Variants in TCF7L1 observed in about 807,000 individuals in gnomAD.
TCF7L1 encodes transcription factor 7 like 1.
In TCF7L1, 18 loss-of-function variants were observed where a neutral mutation model predicts 63.7. The ratio of observed to expected loss-of-function variants is 0.28; its 90% confidence interval spans 0.20 to 0.42. TCF7L1 has a LOEUF of 0.42. TCF7L1 is among the 10% of genes least tolerant of loss of function. TCF7L1 has a pLI of 1.00. For missense variants in TCF7L1, 654 were observed against 779.3 expected (o/e 0.84, Z 1.91); for synonymous variants, 355 against 340.9 (o/e 1.04, Z -0.46).
rs1021182180 is a variant in TCF7L1 at position 85,133,735 on chromosome 2, A to T, written c.51A>T (p.Gly17=). The change falls in exon 1 of 12, where the codon GGA becomes GGT. Residue 17 remains glycine, a synonymous_variant. Coordinates refer to ENST00000282111, the MANE Select transcript of TCF7L1 (RefSeq NM_031283.3). The surrounding 1 kb of genome is among the most constrained non-coding windows in gnomAD (Gnocchi z 4.4). The stretch of plus-strand genomic sequence containing the variant: ...GCGGCGGCGGCGGCGGCAGCGGGGG[A>T]GGCGGCGGCTCCAGCGCCGGGGCGG... The part of the protein sequence containing the change: ...GGGGGGGGSG[G]GGGSSAGAAG... The T allele has an allele frequency of 8.3e-7, 1 of 1,211,158 alleles. No individual in the cohort carries two copies. The highest frequency in any genetic ancestry group is 1.6e-5 in the African/African-American group (1 of 62,938). 75.0% of individuals were successfully genotyped at this position (1,211,158 alleles called of 1,614,324 possible). A position where few individuals can be genotyped will look rare whatever the true frequency, so the allele number is the denominator to read the frequency against.
intron 3 of TCF7L1, among the ~76,000 whole-genome samples, chr2:85,174,913 G>A (rs1311016327): frequency 6.6e-6 from 1 of 152,156 alleles, no homozygotes; most frequent in East Asian, 1.9e-4. Context: ...CAGCTCCTCA[G>A]GCCTTTTTGG....
chr2:85,283,638 A>G, intron 4 of TCF7L1, 60 bp downstream of exon 4: 1 of 1,571,150 alleles, frequency 6.4e-7, no homozygotes, highest in Non-Finnish European at 8.8e-7. Context: ...ATCCCATGCC[A>G]CTGCCTTCTG....
intron 3 of TCF7L1, among the ~76,000 whole-genome samples, chr2:85,229,578 C>A (rs1680027624): frequency 6.6e-6 from 1 of 152,158 alleles, no homozygotes; most frequent in Non-Finnish European, 1.5e-5. Context: ...GGGGTCATCA[C>A]CTCGTCTGTC....
At chr2:85,303,024 A>T (rs1435807764) in intron 5 of TCF7L1, among the ~76,000 whole-genome samples, 1 of 152,098 alleles carries the variant, frequency 6.6e-6, no homozygotes, top group East Asian at 1.9e-4. Context: ...AGTGAGGCCA[A>T]ACTGGCTTTT....
intron 3 of TCF7L1, among the ~76,000 whole-genome samples, chr2:85,174,583 T>C (rs1190147132): frequency 6.6e-6 from 1 of 152,218 alleles, no homozygotes; most frequent in Non-Finnish European, 1.5e-5. Flanking sequence ...CCCCCATTTC[T>C]GTGGCTGTTC....
chr2:85,235,052 T>C (rs559674760), intron 3 of TCF7L1, among the ~76,000 whole-genome samples: 1 of 152,126 alleles, frequency 6.6e-6, no homozygotes, highest in African/African-American at 2.4e-5. Context: ...CAGTAATAGC[T>C]CAATTGTGTG....
chr2:85,212,418 G>A (rs1242075962), intron 3 of TCF7L1, among the ~76,000 whole-genome samples: 1 of 152,208 alleles, frequency 6.6e-6, no homozygotes. Context: ...AGAAGCACCT[G>A]ATAATTATTA....
intron 3 of TCF7L1, among the ~76,000 whole-genome samples, chr2:85,280,738 C>G (rs747167899): frequency 6.6e-6 from 1 of 152,168 alleles, no homozygotes; most frequent in Non-Finnish European, 1.5e-5. Flanking sequence ...CAAGTGCAAG[C>G]TCTGGGCACC....
chr2:85,234,375 C>T (rs922040627), intron 3 of TCF7L1, among the ~76,000 whole-genome samples: 18 of 151,970 alleles, frequency 1.2e-4, no homozygotes, highest in Admixed American at 1.0e-3. Context: ...ACCTTGTGGT[C>T]CACCCACCTC....
Position 85,306,703 on chromosome 2 carries a change from C to A in TCF7L1, c.1257+144C>A. 1.4e-6 allele frequency: 1 copy of A among 704,684 alleles called. No homozygotes were observed. The highest frequency in any genetic ancestry group is 2.3e-6 in the Non-Finnish European group (1 of 440,376). 43.7% of individuals were successfully genotyped at this position (704,684 alleles called of 1,614,324 possible). On this transcript the variant is annotated intron_variant, in intron 10 of 11. Coordinates refer to ENST00000282111, the MANE Select transcript of TCF7L1 (RefSeq NM_031283.3). This position sits in a 1 kb window ranked among gnomAD's most constrained non-coding sequence, Gnocchi z 4.3. ...TGAGACAGAGGCTCACCCTGTCACC[C>A]AGGCTGGAGTGCATGCAGTGGCGCG...
At chr2:85,175,520 T>TG (rs1025873548) in intron 3 of TCF7L1, among the ~76,000 whole-genome samples, 3 of 151,978 alleles carry the variant, frequency 2.0e-5, no homozygotes, top group South Asian at 2.1e-4. Flanking sequence ...GTAGCCAGGA[T>TG]GGGGGGTGGG....
chr2:85,166,130 C>T (rs1678412678), intron 3 of TCF7L1, among the ~76,000 whole-genome samples: 1 of 152,216 alleles, frequency 6.6e-6, no homozygotes, highest in Admixed American at 6.5e-5. Context: ...GTGGTTGTAA[C>T]ATCTGCCTCC....
At chr2:85,177,808 G>T (rs1003022360) in intron 3 of TCF7L1, among the ~76,000 whole-genome samples, 1 of 152,148 alleles carries the variant, frequency 6.6e-6, no homozygotes, top group Non-Finnish European at 1.5e-5. Flanking sequence ...TTATTCTGAT[G>T]AATTCATATT....
intron 3 of TCF7L1, among the ~76,000 whole-genome samples, chr2:85,189,918 C>T (rs1039622123): frequency 6.6e-6 from 1 of 152,222 alleles, no homozygotes; most frequent in African/African-American, 2.4e-5. Flanking sequence ...ACTGGACAGC[C>T]ACTTGGGGTT....
At chr2:85,219,637 T>C (rs1679799681) in intron 3 of TCF7L1, among the ~76,000 whole-genome samples, 1 of 152,146 alleles carries the variant, frequency 6.6e-6, no homozygotes, top group Non-Finnish European at 1.5e-5. Flanking sequence ...CCCAGCACTT[T>C]GGGAGGCCGA....
At chr2:85,251,418 G>C (rs942823022) in intron 3 of TCF7L1, among the ~76,000 whole-genome samples, 3 of 152,182 alleles carry the variant, frequency 2.0e-5, no homozygotes, top group Admixed American at 2.0e-4. Context: ...AGTATATAGT[G>C]TAAACAGTAG....
At chr2:85,184,412 G>T (rs1241847660) in intron 3 of TCF7L1, among the ~76,000 whole-genome samples, 1 of 152,180 alleles carries the variant, frequency 6.6e-6, no homozygotes, top group Non-Finnish European at 1.5e-5. Context: ...CTTCCGTGGG[G>T]AAGGTAACCC....
At chr2:85,267,675 C>T (rs1281575392) in intron 3 of TCF7L1, among the ~76,000 whole-genome samples, 1 of 147,420 alleles carries the variant, frequency 6.8e-6, no homozygotes, top group Non-Finnish European at 1.5e-5. Context: ...AAAGAGTTGG[C>T]TTTTGGGTTT....
intron 3 of TCF7L1, among the ~76,000 whole-genome samples, chr2:85,230,736 C>T (rs1334310520): frequency 1.3e-5 from 2 of 152,190 alleles, no homozygotes; most frequent in East Asian, 3.9e-4. Context: ...TCTCCTGCAT[C>T]CCTACGTGAC....
Sources: gnomAD v4.1 joint callset for allele counts (sites outside exome capture counted in the v4.1 genomes callset) on GRCh38, gnomAD v4.1.1 for gene constraint, Gnocchi (gnomAD v3.1) non-coding constraint, MANE v1.5 for transcripts, NCBI Gene and HGNC (gene_info 2026-07-23, HGNC 2026-07-21) for gene names.